The following DST variants were observed in gnomAD, a reference collection of about 807,000 sequenced individuals.
DST encodes dystonin, also known as bullous pemphigoid antigen.
In DST, 253 loss-of-function variants were observed where a neutral mutation model predicts 875.2. The ratio of observed to expected loss-of-function variants is 0.29; its 90% CI spans 0.26 to 0.32. DST has a LOEUF of 0.32. Among genes scored for constraint, DST ranks in the 10% least tolerant of loss-of-function variants. The pLI is 1.00. For missense variants in DST, 8,287 were observed against 9,111.6 expected (o/e 0.91, Z 3.68); for synonymous variants, 3,124 against 3,197.1 (o/e 0.98, Z 0.77).
chr6:56,724,746 C>T (rs763475177), intron 5 of DST, among the ~76,000 whole-genome samples: 2 of 152,196 alleles, frequency 1.3e-5, no homozygotes, highest in Admixed American at 6.5e-5. Context: ...ATTTAGAGCT[C>T]ACTGTTTAAC....
At position 56,552,839 on chromosome 6, in the gene DST, T is replaced by C; in HGVS notation, c.15953A>G (p.Gln5318Arg). ...SNKYLTMLQT[Q>R]QKSLQALKHQ... ...CTTCAAGGCCTGAAGTGATTTCTGC[T>C]GAGTTTGCAACATGGTCAGGTATTT... The change falls in exon 61 of 104, where the codon CAG (glutamine) becomes CGG (arginine). Residue 5318 changes from glutamine (Q) to arginine (R), a missense_variant. Transcript: ENST00000680361. The C allele has an allele frequency of 1.9e-6, 3 of 1,613,442 alleles. No individual in the cohort carries two copies. Among genetic ancestry groups the C allele is most frequent in the Non-Finnish European group, 2.5e-6 (3 of 1,179,888 alleles).
intron 84 of DST, 75 bp from the exon 85 acceptor site, chr6:56,492,508 A>G: frequency 7.1e-7 from 1 of 1,402,284 alleles, no homozygotes; most frequent in Non-Finnish European, 9.8e-7. Flanking sequence ...CTGGTGTCAT[A>G]AACCTGAAAT....
intron 3 of DST, among the ~76,000 whole-genome samples, chr6:56,897,490 C>T (rs1392673593): frequency 3.3e-5 from 5 of 152,098 alleles, no homozygotes. Context: ...GCCACCACAC[C>T]TGGCTAATTT....
At chr6:56,462,219 T>C (rs966918772) in intron 102 of DST, among the ~76,000 whole-genome samples, 3 of 152,190 alleles carry the variant, frequency 2.0e-5, no homozygotes, top group Non-Finnish European at 2.9e-5. Flanking sequence ...ATAAAATATC[T>C]GATTATTTTG....
intron 47 of DST, among the ~76,000 whole-genome samples, chr6:56,595,513 C>T (rs2098359119): frequency 6.6e-6 from 1 of 152,100 alleles, no homozygotes; most frequent in Non-Finnish European, 1.5e-5. Context: ...TGTGTAATCC[C>T]AAGTACTTAG....
At chr6:56,754,572 T>A (rs1276022169) in intron 4 of DST, among the ~76,000 whole-genome samples, 1 of 152,146 alleles carries the variant, frequency 6.6e-6, no homozygotes. Flanking sequence ...AGACAAAATC[T>A]GCTGAATTAC....
intron 3 of DST, among the ~76,000 whole-genome samples, chr6:56,898,082 T>C (rs1037619075): frequency 2.6e-5 from 4 of 152,218 alleles, no homozygotes; most frequent in Non-Finnish European, 5.9e-5. Flanking sequence ...ATCCTCTTAG[T>C]GTGCTGTTTC....
At chr6:56,783,792 G>A (rs1009190053) in intron 4 of DST, among the ~76,000 whole-genome samples, 4 of 152,220 alleles carry the variant, frequency 2.6e-5, no homozygotes, top group South Asian at 2.1e-4. Context: ...TATTTTGCTC[G>A]TTAGTTGATG....
At chr6:56,725,357 A>G (rs977340961) in intron 5 of DST, among the ~76,000 whole-genome samples, 2 of 152,154 alleles carry the variant, frequency 1.3e-5, no homozygotes, top group Non-Finnish European at 2.9e-5. Context: ...TTGACATTCC[A>G]CTGGAGATTT....
chr6:56,642,196 G>A (rs1288492340), intron 16 of DST, 95 bp from the exon 17 acceptor site: 2 of 1,129,544 alleles, frequency 1.8e-6, no homozygotes, highest in Non-Finnish European at 2.6e-6. Context: ...AAGCCTACTT[G>A]GGCTTTCTTT....
chr6:56,566,798 G>A (rs971974196), intron 55 of DST, among the ~76,000 whole-genome samples: 2 of 152,140 alleles, frequency 1.3e-5, no homozygotes, highest in South Asian at 2.1e-4. Context: ...AAAATTGTCT[G>A]GTGCAGTTAC....
chr6:56,536,953 G>C lies in DST; in HGVS notation c.16609-13C>G. 1.2e-6 allele frequency: 2 copies of C among 1,611,936 alleles called. No individual in the cohort carries two copies. Among genetic ancestry groups the C allele is most frequent in the East Asian group, 2.2e-5 (1 of 44,858 alleles). On this transcript the variant is annotated splice_polypyrimidine_tract_variant and intron_variant, in intron 61 of 103. Transcript: ENST00000680361. Reference sequence around the variant, plus strand: ...CTTTCTGGAATACCTGCAGTTAAAAGAGTAATAATTATATGAGTTATATTA... The same window carrying C: ...CTTTCTGGAATACCTGCAGTTAAAACAGTAATAATTATATGAGTTATATTA...
intron 2 of DST, among the ~76,000 whole-genome samples, chr6:56,929,463 C>T (rs939174194): frequency 6.6e-6 from 1 of 152,032 alleles, no homozygotes; most frequent in Admixed American, 6.6e-5. Context: ...ATACAATATA[C>T]TACTATCCAT....
At chr6:56,548,130 G>T (rs1385381036) in intron 61 of DST, among the ~76,000 whole-genome samples, 3 of 152,200 alleles carry the variant, frequency 2.0e-5, no homozygotes, top group Middle Eastern at 3.2e-3. Flanking sequence ...ACTGGAAGAA[G>T]AAGAGTTGTC....
Position 56,460,121 on chromosome 6 carries a change from C to T in DST, c.23194+10G>A, listed in dbSNP as rs1325298909. 1.2e-6 allele frequency: 2 copies of T among 1,604,084 alleles called. No homozygotes were observed. The highest frequency in any genetic ancestry group is 2.2e-5 in the East Asian group (1 of 44,620). Reference sequence around the variant, plus strand: ...AAAAGCCATTGAAAAAAGAAAGGCACCACACTCACCAGCAAACTGTGTTCG... The same window carrying T: ...AAAAGCCATTGAAAAAAGAAAGGCATCACACTCACCAGCAAACTGTGTTCG... On this transcript the variant is annotated intron_variant, in intron 103 of 103. Transcript: ENST00000680361.
rs766653025 is a variant in DST at position 56,634,582 on chromosome 6, G to A, written c.3374C>T (p.Ala1125Val). Residue 1125 changes from alanine to valine, a missense_variant, in exon 26 of 104, where the codon GCG (alanine) becomes GTG (valine). This residue lies in a region of DST where 1,160 missense variants were observed against 1,424.3 expected (regional missense o/e 0.81). Transcript: ENST00000680361. ...TIYKDDECVL[A>V]NNSHRAKWKV... ...CCATTTAGCACGATGAGAGTTATTC[G>A]CCAAAACACATTCATCGTCTTTGTA... 41 of 1,613,946 alleles carry A rather than the reference G, an allele frequency of 2.5e-5. 1 individual carries two copies. The South Asian group carries it at 3.2e-4, about 13-fold the overall frequency.
chr6:56,504,181 A>G lies in DST; in HGVS notation c.19465-83T>C, dbSNP rs950931891. The G allele has an allele frequency of 3.7e-6, 3 of 809,616 alleles. No individual in the cohort carries two copies. In the African/African-American group the frequency reaches 5.4e-5, roughly 15 times the overall value. The allele number at this position is 809,616 out of a possible 1,614,324, so 50.2% of individuals were successfully genotyped here. On this transcript the variant is annotated intron_variant, in intron 77 of 103. Coordinates refer to ENST00000680361, the MANE Select transcript of DST (RefSeq NM_001374736.1). ...ATTTCAAGTACTACAGAAAAATACA[A>G]TCATAAATCTAAAAGATATTATAGA...
At chr6:56,526,872 C>T (rs1019555040) in intron 68 of DST, among the ~76,000 whole-genome samples, 2 of 152,070 alleles carry the variant, frequency 1.3e-5, no homozygotes, top group African/African-American at 2.4e-5. Flanking sequence ...TTGTATTATT[C>T]TTTGCTTTCT....
intron 12 of DST, among the ~76,000 whole-genome samples, 189 bp from the exon 13 acceptor site, chr6:56,648,878 A>C (rs1587746954): frequency 6.6e-6 from 1 of 152,206 alleles, no homozygotes; most frequent in African/African-American, 2.4e-5. Flanking sequence ...ATTTGCTATC[A>C]ACATTTGGCC....
Sources: allele counts gnomAD v4.1 joint callset (sites outside exome capture counted in the v4.1 genomes callset), GRCh38; gene constraint gnomAD v4.1.1; regional missense constraint gnomAD v4.1.1; transcripts MANE v1.5; gene names NCBI Gene and HGNC (gene_info 2026-07-23, HGNC 2026-07-21).